DLC1: variants seen among roughly 807,000 people sequenced by gnomAD.
DLC1 encodes DLC1 Rho GTPase activating protein, also known as rho GTPase-activating protein 7.
Under a neutral mutation model 140.3 loss-of-function variants are expected in DLC1, and 54 were observed. The ratio of observed to expected loss-of-function variants is 0.38; its 90% confidence interval spans 0.31 to 0.48. The LOEUF is 0.48. Ranked by LOEUF, DLC1 falls within the 20% of genes least tolerant of loss-of-function variation. The pLI is 0.96. For synonymous variants in DLC1, 986 were observed against 728.1 expected, an observed-to-expected ratio of 1.35 and a Z score of -5.70; for missense variants, 2,536 against 1,907.0, an observed-to-expected ratio of 1.33 and a Z score of -6.14.
intron 1 of DLC1, among the ~76,000 whole-genome samples, chr8:13,547,325 C>A (rs1483445539): frequency 1.3e-5 from 2 of 151,838 alleles, no homozygotes; most frequent in Non-Finnish European, 2.9e-5. Context: ...ATCAAATGAC[C>A]GTCATATAGA....
At chr8:13,196,642 T>G (rs934681433) in intron 5 of DLC1, among the ~76,000 whole-genome samples, 1 of 152,236 alleles carries the variant, frequency 6.6e-6, no homozygotes, top group African/African-American at 2.4e-5. Flanking sequence ...CCTCTGAAAC[T>G]GGAAACAAGT....
intron 5 of DLC1, among the ~76,000 whole-genome samples, chr8:13,264,410 C>A (rs902973478): frequency 4.6e-5 from 7 of 152,070 alleles, no homozygotes; most frequent in African/African-American, 1.7e-4. Flanking sequence ...CGAATAATAT[C>A]AAAAATATAA....
upstream of DLC1, among the ~76,000 whole-genome samples, chr8:13,515,206 A>G (rs1802545657): frequency 6.6e-6 from 1 of 152,224 alleles, no homozygotes; most frequent in South Asian, 2.1e-4. Flanking sequence ...GCTTGCTCTC[A>G]TTTCAAAAGA....
At chr8:13,475,171 A>C (rs1183578430) in intron 2 of DLC1, among the ~76,000 whole-genome samples, 1 of 152,168 alleles carries the variant, frequency 6.6e-6, no homozygotes. Context: ...GTTTAAAAAG[A>C]AAATAAGTTT....
chr8:13,595,241 A>G (rs1356116601), intron 1 of DLC1, among the ~76,000 whole-genome samples: 1 of 152,070 alleles, frequency 6.6e-6, no homozygotes, highest in African/African-American at 2.4e-5. Context: ...AAAAATCACA[A>G]GGATTTTTTT....
intron 1 of DLC1, among the ~76,000 whole-genome samples, chr8:13,599,346 A>G (rs1805788223): frequency 6.6e-6 from 1 of 151,992 alleles, no homozygotes; most frequent in Non-Finnish European, 1.5e-5. Context: ...ATTATTAAAA[A>G]TTATTTTGAT....
chr8:13,214,863 T>A, intron 5 of DLC1: 1 of 726,688 alleles, frequency 1.4e-6, no homozygotes, highest in Admixed American at 1.9e-5. Context: ...TAGATGGGTC[T>A]CATGACAGGG....
At chr8:13,427,692 G>T (rs1838656171) in intron 2 of DLC1, among the ~76,000 whole-genome samples, 1 of 151,844 alleles carries the variant, frequency 6.6e-6, no homozygotes, top group Non-Finnish European at 1.5e-5. Context: ...CTGTACCTTG[G>T]GCCCCTTGTT....
chr8:13,501,373 C>G (rs2117209780), intron 1 of DLC1, among the ~76,000 whole-genome samples: 1 of 152,166 alleles, frequency 6.6e-6, no homozygotes, highest in East Asian at 1.9e-4. Flanking sequence ...ATGACTAACC[C>G]AAATTTTGCC....
chr8:13,566,713 G>C lies in DLC1; in HGVS notation c.-126+37824C>G, dbSNP rs540070132. 7.9e-4 allele frequency: 351 copies of C among 441,894 alleles called. 1 individual carries two copies. Among genetic ancestry groups the C allele is most frequent in the African/African-American group, 6.3e-3 (318 of 50,260 alleles). 27.4% of individuals were successfully genotyped at this position (441,894 alleles called of 1,614,324 possible). A position where few individuals can be genotyped will look rare whatever the true frequency, so the allele number is the denominator to read the frequency against. On this transcript the variant is annotated intron_variant, in intron 1 of 1. Coordinates refer to the DLC1 transcript ENST00000631382. ...ACTTTAGCACCAAAGAGAAGCAGGA[G>C]TGCAGAAGACAGGGCAAAATCGCCA...
chr8:13,491,692 G>C (rs986853854), intron 2 of DLC1, among the ~76,000 whole-genome samples: 2 of 152,120 alleles, frequency 1.3e-5, no homozygotes, highest in Admixed American at 6.6e-5. Context: ...TTTCCTCAGA[G>C]ATCCAGATTT....
At chr8:13,329,475 C>A (rs1367104984) in intron 4 of DLC1, among the ~76,000 whole-genome samples, 2 of 152,122 alleles carry the variant, frequency 1.3e-5, no homozygotes, top group African/African-American at 4.8e-5. Flanking sequence ...CAGTCATCAC[C>A]TAATCTATAT....
intron 4 of DLC1, among the ~76,000 whole-genome samples, chr8:13,328,474 A>G (rs1036126245): frequency 3.9e-5 from 6 of 152,192 alleles, no homozygotes; most frequent in Non-Finnish European, 5.9e-5. Flanking sequence ...TGAAAGTACC[A>G]TCTATATAGG....
At chr8:13,377,519 G>T (rs975168065) in intron 4 of DLC1, among the ~76,000 whole-genome samples, 15 of 152,174 alleles carry the variant, frequency 9.9e-5, no homozygotes, top group African/African-American at 3.6e-4. Flanking sequence ...TTGTAGAAAT[G>T]AAAACAGCAA....
intron 5 of DLC1, among the ~76,000 whole-genome samples, chr8:13,200,623 G>C (rs1430318238): frequency 6.6e-6 from 1 of 151,966 alleles, no homozygotes; most frequent in Non-Finnish European, 1.5e-5. Flanking sequence ...TTTTTTTAGA[G>C]AGGCAGAGTC....
chr8:13,194,034 A>C (rs1024071278), intron 5 of DLC1, among the ~76,000 whole-genome samples: 2 of 152,232 alleles, frequency 1.3e-5, no homozygotes, highest in African/African-American at 2.4e-5. Flanking sequence ...TTAGAGAGTC[A>C]ATGATAGAGA....
chr8:13,345,802 A>C (rs1041381277), intron 4 of DLC1, among the ~76,000 whole-genome samples: 4 of 150,820 alleles, frequency 2.7e-5, no homozygotes, highest in Non-Finnish European at 4.4e-5. Flanking sequence ...GAAGTGATCC[A>C]CTCTCTGTGG....
At chr8:13,381,719 G>A (rs1836271514) in intron 4 of DLC1, among the ~76,000 whole-genome samples, 1 of 152,064 alleles carries the variant, frequency 6.6e-6, no homozygotes, top group Non-Finnish European at 1.5e-5. Flanking sequence ...GAGAGACCCT[G>A]TCCTAAAACT....
intron 2 of DLC1, among the ~76,000 whole-genome samples, chr8:13,490,575 T>C (rs1286409172): frequency 6.6e-6 from 1 of 152,186 alleles, no homozygotes. Context: ...CTTGTGTGGA[T>C]ATTGGCATTT....
Sources: gnomAD v4.1 joint callset for allele counts (sites outside exome capture counted in the v4.1 genomes callset) on GRCh38, gnomAD v4.1.1 for gene constraint, MANE v1.5 for transcripts, NCBI Gene and HGNC (gene_info 2026-07-23, HGNC 2026-07-21) for gene names.